Variants in TP63 observed in about 807,000 individuals in gnomAD.
The protein encoded by TP63 is tumor protein p63.
Under a neutral mutation model 82.8 loss-of-function variants are expected in TP63, and 17 were observed. That is an observed-to-expected ratio of 0.21 (90% CI 0.14 to 0.31). The LOEUF (loss-of-function observed/expected upper bound fraction) is 0.31. Ranked by LOEUF, TP63 falls within the 10% of genes least tolerant of loss-of-function variation. The probability of loss-of-function intolerance (pLI) is 1.00; values close to 1 mark genes in which losing one functional copy is unlikely to be tolerated. For synonymous variants in TP63, 330 were observed against 321.7 expected (o/e 1.03, Z -0.28); for missense variants, 648 against 895.3 (o/e 0.72, Z 3.52).
At chr3:189,863,246 T>C (rs1423258235) in intron 4 of TP63, among the ~76,000 whole-genome samples, 2 of 152,310 alleles carry the variant, frequency 1.3e-5, no homozygotes, top group East Asian at 3.9e-4. Flanking sequence ...TTCCAGTGCC[T>C]GGGTGGTTTG....
At chr3:189,700,611 T>A (rs1304918170) in intron 1 of TP63, among the ~76,000 whole-genome samples, 1 of 152,164 alleles carries the variant, frequency 6.6e-6, no homozygotes, top group Non-Finnish European at 1.5e-5. Flanking sequence ...GGATCAGAGA[T>A]TAATGGGAAT....
chr3:189,626,463 A>G (rs1254148099), upstream of TP63, among the ~76,000 whole-genome samples: 3 of 152,190 alleles, frequency 2.0e-5, no homozygotes, highest in African/African-American at 7.2e-5. Flanking sequence ...CCTGACACAA[A>G]GGAATTCAGT....
At chr3:189,598,846 G>A in the TP63 span, among the ~76,000 whole-genome samples, 1 of 152,210 alleles carries the variant, frequency 6.6e-6, no homozygotes, top group Non-Finnish European at 1.5e-5. Context: ...CAGAATCATA[G>A]AGTTTCTTGG....
intron 4 of TP63, 105 bp from the exon 5 acceptor site, chr3:189,864,127 G>A: frequency 7.0e-7 from 1 of 1,431,686 alleles, no homozygotes; most frequent in South Asian, 1.2e-5. Context: ...CAGGCAGCAT[G>A]CAGCTCTAAA....
At chr3:189,636,846 T>C (rs773473943) in intron 1 of TP63, among the ~76,000 whole-genome samples, 2 of 152,176 alleles carry the variant, frequency 1.3e-5, no homozygotes, top group Non-Finnish European at 2.9e-5. Flanking sequence ...CACCACACAG[T>C]TCAAAATCAA....
chr3:189,661,220 A>G (rs1713852872), intron 1 of TP63, among the ~76,000 whole-genome samples: 1 of 151,396 alleles, frequency 6.6e-6, no homozygotes, highest in Non-Finnish European at 1.5e-5. Context: ...GCCGTAGATC[A>G]CTCTTATTAT....
At chr3:189,854,668 T>C (rs1716070463) in intron 4 of TP63, among the ~76,000 whole-genome samples, 1 of 152,208 alleles carries the variant, frequency 6.6e-6, no homozygotes, top group African/African-American at 2.4e-5. Context: ...CTGAAAAATG[T>C]CAAAATGAAA....
At chr3:189,791,039 G>T (rs1725085653) in intron 3 of TP63, among the ~76,000 whole-genome samples, 2 of 152,248 alleles carry the variant, frequency 1.3e-5, no homozygotes, top group South Asian at 4.1e-4. Flanking sequence ...GTCCTCAGTA[G>T]AGAAACTTGA....
At chr3:189,822,141 T>C (rs188331138) in intron 4 of TP63, among the ~76,000 whole-genome samples, 2 of 152,316 alleles carry the variant, frequency 1.3e-5, no homozygotes, top group East Asian at 1.9e-4. Context: ...AACGATGTTA[T>C]TGGTAGGATT....
At chr3:189,768,757 C>T (rs1451198336) in intron 3 of TP63, among the ~76,000 whole-genome samples, 1 of 152,064 alleles carries the variant, frequency 6.6e-6, no homozygotes, top group Non-Finnish European at 1.5e-5. Flanking sequence ...ACTTATTTGA[C>T]AGTGGCAGGT....
At chr3:189,791,878 A>G (rs1202668134) in intron 3 of TP63, among the ~76,000 whole-genome samples, 1 of 152,124 alleles carries the variant, frequency 6.6e-6, no homozygotes, top group Non-Finnish European at 1.5e-5. Flanking sequence ...TAAAAGTTAT[A>G]ATGTATAGGG....
At chr3:189,789,060 C>T (rs1013589642) in intron 3 of TP63, among the ~76,000 whole-genome samples, 11 of 151,798 alleles carry the variant, frequency 7.2e-5, no homozygotes, top group Non-Finnish European at 1.5e-4. Flanking sequence ...GTTATTGAAA[C>T]ATGCTCGAAA....
Position 189,875,611 on chromosome 3 carries a change from T to TATATAC in TP63, c.1349+2621_1349+2622insCATATA, listed in dbSNP as rs1553859678. ...ATACATACATATATATATATATATA[T>TATATAC]ATATATATATATATATATATATATA... On this transcript the variant is annotated intron_variant, in intron 10 of 13. Coordinates refer to ENST00000264731, the MANE Select transcript of TP63 (RefSeq NM_003722.5). 1.5e-3 allele frequency among the ~76,000 whole-genome samples: 118 copies of TATATAC among 77,036 alleles called. 3 individuals are homozygous for TATATAC. The highest frequency in any genetic ancestry group is 5.5e-3 in the African/African-American group (116 of 21,192). The allele number at this position is 77,036 out of a possible 152,430, so 50.5% of individuals were successfully genotyped here.
intron 1 of TP63, among the ~76,000 whole-genome samples, chr3:189,710,776 G>A (rs1157052740): frequency 6.6e-6 from 1 of 152,146 alleles, no homozygotes; most frequent in East Asian, 1.9e-4. Flanking sequence ...TGGGTTGCCA[G>A]ATTTCCTGCT....
chr3:189,727,497 G>C (rs1719855706), intron 1 of TP63, among the ~76,000 whole-genome samples: 1 of 152,166 alleles, frequency 6.6e-6, no homozygotes, highest in Non-Finnish European at 1.5e-5. Flanking sequence ...TAAGTTAAGA[G>C]TTTGGACTAG....
At chr3:189,779,743 C>T (rs1724084672) in intron 3 of TP63, among the ~76,000 whole-genome samples, 1 of 152,050 alleles carries the variant, frequency 6.6e-6, no homozygotes, top group Non-Finnish European at 1.5e-5. Context: ...GACGTTTAAC[C>T]CCTCTAGAGC....
the TP63 span, among the ~76,000 whole-genome samples, chr3:189,605,693 G>A: frequency 6.6e-6 from 1 of 152,016 alleles, no homozygotes; most frequent in South Asian, 2.1e-4. Flanking sequence ...AAACCAGATC[G>A]AATCTCATTG....
At chr3:189,600,125 G>T in the TP63 span, among the ~76,000 whole-genome samples, 5 of 152,040 alleles carry the variant, frequency 3.3e-5, no homozygotes, top group African/African-American at 1.2e-4. Context: ...TTTTATATTA[G>T]ACAAGTCCTT....
intron 1 of TP63, among the ~76,000 whole-genome samples, chr3:189,653,930 T>C (rs567990740): frequency 8.1e-4 from 124 of 152,284 alleles, no homozygotes; most frequent in African/African-American, 2.9e-3. Flanking sequence ...GCATCTTGAG[T>C]GTTTCATGGG....
Sources: allele counts gnomAD v4.1 joint callset (sites outside exome capture counted in the v4.1 genomes callset), GRCh38; gene constraint gnomAD v4.1.1; transcripts MANE v1.5; gene names NCBI Gene and HGNC (gene_info 2026-07-23, HGNC 2026-07-21).